Variants in RIOK2 observed in about 807,000 individuals in gnomAD.
The protein encoded by RIOK2 is serine/threonine-protein kinase RIO2.
Under a neutral mutation model 62.4 loss-of-function variants are expected in RIOK2, and 46 were observed. The observed-to-expected ratio is 0.74, with a 90% CI of 0.58 to 0.94. The LOEUF (loss-of-function observed/expected upper bound fraction) is 0.94, where lower values mean the gene tolerates loss of function less well. RIOK2 is among the 40% of genes least tolerant of loss of function. The pLI, the probability that RIOK2 is intolerant of heterozygous loss-of-function variation, is 0.00. For missense variants in RIOK2, 574 were observed against 658.0 expected, an observed-to-expected ratio of 0.87 and a Z score of 1.40; for synonymous variants, 197 against 216.0, an observed-to-expected ratio of 0.91 and a Z score of 0.77.
intron 1 of RIOK2, among the ~76,000 whole-genome samples, chr5:97,179,947 A>G (rs1340547922): frequency 1.0e-5 from 1 of 99,962 alleles, no homozygotes; most frequent in Non-Finnish European, 2.0e-5. Context: ...CATGTACCCC[A>G]GAACTTAAAA....
intron 1 of RIOK2, among the ~76,000 whole-genome samples, chr5:97,180,149 T>TATATATACGTATATATATATATAC (rs1336296184): frequency 7.8e-6 from 1 of 128,640 alleles, no homozygotes; most frequent in Non-Finnish European, 1.6e-5. Context: ...TATGTATATA[T>TATATATACGTATATATATATATAC]ATATATATAT....
intron 5 of RIOK2, among the ~76,000 whole-genome samples, chr5:97,172,555 T>G (rs1483801107): frequency 1.3e-5 from 2 of 152,214 alleles, no homozygotes; most frequent in African/African-American, 4.8e-5. Flanking sequence ...TAATAGCCTC[T>G]TAACTTGTCT....
rs776962702 is a variant in RIOK2, at chr5:97,168,025, G to A, written c.873-34C>T. ...AAAAGGCGTCAAGCATAGAAAGAGA[G>A]AAAAAATGTTTATCTAAGAGGAGCA... On this transcript the variant is annotated intron_variant, in intron 7 of 9. Coordinates refer to ENST00000283109, the MANE Select transcript of RIOK2 (RefSeq NM_018343.3). The A allele has an allele frequency of 8.5e-6, 13 of 1,532,348 alleles. No homozygotes were observed. The South Asian group carries it at 1.5e-4, about 18-fold the overall frequency. 94.9% of individuals were successfully genotyped at this position (1,532,348 alleles called of 1,614,324 possible).
chr5:97,171,120 C>A, intron 6 of RIOK2, 86 bp downstream of exon 6: 2 of 940,664 alleles, frequency 2.1e-6, no homozygotes, highest in East Asian at 3.1e-5. Context: ...GAGATCGCGC[C>A]ATTGCACTCC....
Position 97,167,308 on chromosome 5 carries a change from A to G in RIOK2, c.1397+159T>C, listed in dbSNP as rs78534814. The G allele has an allele frequency of 2.2e-3, 3,220 of 1,445,868 alleles. 68 individuals carry two copies. The African/African-American group carries it at 0.042, about 19-fold the overall frequency. The allele number at this position is 1,445,868 out of a possible 1,614,324, so 89.6% of individuals were successfully genotyped here. A position where few individuals can be genotyped will look rare whatever the true frequency, so the allele number is the denominator to read the frequency against. ...GTCAATTGAAAAGGAAGCTATTTTG[A>G]GTTTTTAACAACAAAAAATTATTTG... is the stretch of plus-strand genomic sequence containing the variant. On this transcript the variant is annotated intron_variant, in intron 8 of 9. Transcript: ENST00000283109.
Position 97,163,164 on chromosome 5 carries a change from C to T in RIOK2, c.1556G>A (p.Arg519His), listed in dbSNP as rs1748748635. ...LTKQQKSAVR[R>H]RLQKGEANIF... ...ATTTGCTTCTCCTTTCTGCAATCGA[C>T]GTCTGACAGCTGATTTTTGCTGTTT... The change falls in exon 10 of 10, where the codon CGT becomes CAT. Residue 519 changes from arginine to histidine, a missense_variant. By Grantham distance (29) the Arg-to-His change is conservative. Coordinates refer to ENST00000283109, the MANE Select transcript of RIOK2 (RefSeq NM_018343.3). 5.6e-6 allele frequency: 9 copies of T among 1,613,498 alleles called. No individual in the cohort carries two copies. The highest frequency in any genetic ancestry group is 2.2e-5 in the East Asian group (1 of 44,810).
chr5:97,178,793 G>A lies in RIOK2; in HGVS notation c.205+262C>T. The A allele has an allele frequency of 8.5e-6, 4 of 473,296 alleles. No homozygotes were observed. The South Asian group carries it at 8.5e-5, about 10-fold the overall frequency. 29.3% of individuals were successfully genotyped at this position (473,296 alleles called of 1,614,324 possible). A position where few individuals can be genotyped will look rare whatever the true frequency, so the allele number is the denominator to read the frequency against. On this transcript the variant is annotated intron_variant, in intron 2 of 9. Transcript: ENST00000283109. ...GCAGTACTCTACATGCTCTTCTGCA[G>A]TACTCTACGTGCTCTTCTGCAGTAC...
intron 4 of RIOK2, chr5:97,176,004 C>T (rs1423736020): frequency 2.6e-5 from 4 of 151,778 alleles, no homozygotes; most frequent in Non-Finnish European, 5.9e-5. Flanking sequence ...AGTCAAGTTC[C>T]AATATTTGGG....
In RIOK2 at chr5:97,180,008, ATATATATAATATATATATAATATATATAT is replaced by A. The variant is rs1245327428; in HGVS notation, c.67-844_67-816del. On this transcript the variant is annotated intron_variant, in intron 1 of 9. Transcript: ENST00000283109. ...TATATATAAAATATATATATATTAT[ATATATATAATATATATATAATATATATAT>A]TATATATATATTTTTAAATTTATTC... Among the ~76,000 whole-genome samples, 34 of 65,226 alleles carry A rather than the reference ATATATATAATATATATATAATATATATAT, an allele frequency of 5.2e-4. 1 individual carries two copies. The highest frequency in any genetic ancestry group is 2.7e-4 in the Non-Finnish European group (9 of 33,642). The allele number at this position is 65,226 out of a possible 152,430, so 42.8% of individuals were successfully genotyped here.
At chr5:97,168,065 T>C (rs1748897319) in intron 7 of RIOK2, 74 bp from the exon 8 acceptor site, 1 of 1,384,736 alleles carries the variant, frequency 7.2e-7, no homozygotes, top group African/African-American at 1.4e-5. Flanking sequence ...TCTACTACTC[T>C]GATAAATTAT....
Position 97,167,526 on chromosome 5 carries a change from T to C in RIOK2, c.1338A>G (p.Glu446=). 1 of 1,614,188 alleles carries C rather than the reference T, an allele frequency of 6.2e-7. No homozygotes were observed. The highest frequency in any genetic ancestry group is 1.1e-5 in the South Asian group (1 of 91,088). Residue 446 remains glutamate (E), a synonymous_variant, in exon 8 of 10, where the codon GAA becomes GAG. Coordinates refer to ENST00000283109, the MANE Select transcript of RIOK2 (RefSeq NM_018343.3). ...AGGCAATTAGATGAGGGCATTCATC[T>C]TCATACTCGTCAGAGCCAGCAGGGA... The part of the protein sequence containing the change: ...GGVPAGSDEY[E]DECPHLIALS...
intron 9 of RIOK2, 28 bp downstream of exon 9, chr5:97,165,023 A>C: frequency 7.0e-7 from 1 of 1,423,984 alleles, no homozygotes; most frequent in Non-Finnish European, 9.8e-7. Flanking sequence ...TGTAATAAAC[A>C]TTCAGTACAT....
rs1748875091 is a variant in RIOK2 at position 97,167,469 on chromosome 5, G to A, written c.1395C>T (p.Phe465=). The change falls in exon 8 of 10, where the codon TTC becomes TTT. Residue 465 remains phenylalanine, a splice_region_variant and synonymous_variant. Transcript: ENST00000283109. ...AAGCAATCGACAGAAGTCTATACCT[G>A]AAAGGCCTGAATTCTCTATTTAATG... ...LSSLNREFRP[F]RDEENVGAMN... 6.2e-7 allele frequency: 1 copy of A among 1,613,674 alleles called. No individual in the cohort carries two copies. The highest frequency in any genetic ancestry group is 8.5e-7 in the Non-Finnish European group (1 of 1,179,842).
chr5:97,173,819 G>A (rs1422746404), intron 4 of RIOK2, among the ~76,000 whole-genome samples: 1 of 152,166 alleles, frequency 6.6e-6, no homozygotes, highest in Non-Finnish European at 1.5e-5. Context: ...AATATACACT[G>A]TTGTAGTCTG....
chr5:97,164,062 T>C (rs796715839), intron 9 of RIOK2, among the ~76,000 whole-genome samples: 10 of 152,194 alleles, frequency 6.6e-5, no homozygotes, highest in African/African-American at 2.4e-4. Context: ...CTGGCTAACT[T>C]TTAAATTTTT....
In RIOK2 at chr5:97,162,833, A is replaced by G. The variant is rs1748738378; in HGVS notation, c.*228T>C. ...TTTTTAAAAATATGCAAATGTCTCT[A>G]ATAAAGTTACGTAACTGTAGTTACC... On this transcript the variant is annotated 3_prime_UTR_variant, in exon 10 of 10. Coordinates refer to ENST00000283109, the MANE Select transcript of RIOK2 (RefSeq NM_018343.3). The G allele has an allele frequency of 2.2e-6, 1 of 456,610 alleles. No homozygotes were observed. The highest frequency in any genetic ancestry group is 3.8e-6 in the Non-Finnish European group (1 of 260,782). 28.3% of individuals were successfully genotyped at this position (456,610 alleles called of 1,614,324 possible).
At chr5:97,170,729 A>G (rs1446874043) in intron 6 of RIOK2, among the ~76,000 whole-genome samples, 10 of 152,224 alleles carry the variant, frequency 6.6e-5, no homozygotes, top group Admixed American at 6.5e-4. Flanking sequence ...TTAATAAAAA[A>G]CCAAATTTTT....
chr5:97,179,329 G>A (rs1284671252), intron 1 of RIOK2, 136 bp from the exon 2 acceptor site: 18 of 716,290 alleles, frequency 2.5e-5, no homozygotes, highest in Non-Finnish European at 2.9e-5. Context: ...AATCACTTCC[G>A]TCTCTTGAAA....
chr5:97,167,595 A>C lies in RIOK2; in HGVS notation c.1269T>G (p.Thr423=). 6.2e-7 allele frequency: 1 copy of C among 1,614,178 alleles called. No individual in the cohort carries two copies. Among genetic ancestry groups the C allele is most frequent in the Non-Finnish European group, 8.5e-7 (1 of 1,179,996 alleles). Residue 423 remains threonine, a synonymous_variant, in exon 8 of 10, where the codon ACT becomes ACG. Transcript: ENST00000283109. ...VTEFSEEKNR[T]ENYNRQDGQR... ...GACCATCTTGCCTGTTGTAATTTTCAGTTCTGTTTTTCTCCTCAGAAAATT... is the reference window on the plus strand; with the variant it reads ...GACCATCTTGCCTGTTGTAATTTTCCGTTCTGTTTTTCTCCTCAGAAAATT...
Sources: gnomAD v4.1 joint callset for allele counts (sites outside exome capture counted in the v4.1 genomes callset) on GRCh38, gnomAD v4.1.1 for gene constraint, MANE v1.5 for transcripts, NCBI Gene and HGNC (gene_info 2026-07-23, HGNC 2026-07-21) for gene names.